GAD1: variants seen among roughly 807,000 people sequenced by gnomAD.
GAD1 encodes the protein 67 kDa glutamic acid decarboxylase.
GAD1 carries 35 observed loss-of-function variants against 75.2 expected under a neutral mutation model. The observed-to-expected ratio is 0.47, with a 90% CI of 0.36 to 0.62. The LOEUF (loss-of-function observed/expected upper bound fraction) is 0.62, where lower values mean the gene tolerates loss of function less well. Ranked by LOEUF, GAD1 falls within the 20% of genes least tolerant of loss-of-function variation. The probability of loss-of-function intolerance (pLI) is 0.00; values close to 1 mark genes in which losing one functional copy is unlikely to be tolerated. For missense variants in GAD1, 490 were observed against 758.5 expected, an observed-to-expected ratio of 0.65 and a Z score of 4.16; for synonymous variants, 257 against 271.9, an observed-to-expected ratio of 0.95 and a Z score of 0.54.
intron 12 of GAD1, 93 bp downstream of exon 12, chr2:170,849,443 A>G: frequency 8.4e-7 from 1 of 1,194,338 alleles, no homozygotes; most frequent in Non-Finnish European, 1.2e-6. Flanking sequence ...CCTGATCCCC[A>G]GCATCATATT....
intron 11 of GAD1, 144 bp downstream of exon 11, chr2:170,847,936 C>T (rs984777368): frequency 2.7e-6 from 2 of 747,230 alleles, no homozygotes; most frequent in East Asian, 2.5e-5. Context: ...CCCTAGCCAG[C>T]CATTCACAAC....
At chr2:170,843,947 G>C in intron 6 of GAD1, 98 bp from the exon 7 acceptor site, 2 of 730,504 alleles carry the variant, frequency 2.7e-6, no homozygotes, top group Non-Finnish European at 5.0e-6. Context: ...CTTTTTTTTA[G>C]AACCCAACTA....
At chr2:170,814,963 G>C (rs1245855746), upstream of GAD1, among the ~76,000 whole-genome samples, 1 of 152,148 alleles carries the variant, frequency 6.6e-6, no homozygotes, top group African/African-American at 2.4e-5. Context: ...AGGTTGAGGC[G>C]AGCGGGCGTC....
chr2:170,836,948 T>G, intron 6 of GAD1, 65 bp downstream of exon 6: 2 of 1,120,942 alleles, frequency 1.8e-6, no homozygotes, highest in Non-Finnish European at 2.7e-6. Flanking sequence ...GCTTTAAAAG[T>G]TCAGTCCCAG....
chr2:170,827,533 T>C (rs987487282), intron 3 of GAD1, among the ~76,000 whole-genome samples: 1 of 152,168 alleles, frequency 6.6e-6, no homozygotes, highest in African/African-American at 2.4e-5. Flanking sequence ...CTCCTGCCCT[T>C]TTGGCTTAAC....
At chr2:170,829,824 A>G (rs1225451905) in intron 4 of GAD1, 191 bp downstream of exon 4, 2 of 628,822 alleles carry the variant, frequency 3.2e-6, no homozygotes, top group Non-Finnish European at 5.4e-6. Context: ...GGTCTCCATC[A>G]TTTTGGAAAC....
chr2:170,830,740 G>A (rs1028645423), intron 4 of GAD1, among the ~76,000 whole-genome samples: 1 of 152,200 alleles, frequency 6.6e-6, no homozygotes, highest in African/African-American at 2.4e-5. Context: ...CAGCCTGTCA[G>A]AAAGGCTGTG....
At chr2:170,834,396 G>A (rs914918205) in intron 5 of GAD1, among the ~76,000 whole-genome samples, 4 of 152,096 alleles carry the variant, frequency 2.6e-5, no homozygotes, top group Non-Finnish European at 5.9e-5. Context: ...ATACTGATCC[G>A]GGTATAGTCT....
chr2:170,849,359 C>T lies in GAD1; in HGVS notation c.1184+9C>T, dbSNP rs1239221824. 1.2e-6 allele frequency: 2 copies of T among 1,613,724 alleles called. No homozygotes were observed. Among genetic ancestry groups the T allele is most frequent in the Non-Finnish European group, 1.7e-6 (2 of 1,179,812 alleles). On this transcript the variant is annotated intron_variant, in intron 12 of 16. Transcript: ENST00000358196. ...CTCAACGGCATAGAAAGGTAACGGC[C>T]AGAACTCGCCAGGCCTCCTTCCACC...
intron 3 of GAD1, among the ~76,000 whole-genome samples, chr2:170,822,783 C>T (rs780481698): frequency 2.6e-5 from 4 of 152,224 alleles, no homozygotes; most frequent in Non-Finnish European, 5.9e-5. Flanking sequence ...TGGAGCCCTC[C>T]ATGGCCTGCC....
chr2:170,836,895 A>G lies in GAD1; in HGVS notation c.638+12A>G, dbSNP rs1376452694. The G allele has an allele frequency of 1.9e-6, 3 of 1,589,646 alleles. No homozygotes were observed. The highest frequency in any genetic ancestry group is 2.6e-6 in the Non-Finnish European group (3 of 1,157,972). On this transcript the variant is annotated intron_variant, in intron 6 of 16. Coordinates refer to ENST00000358196, the MANE Select transcript of GAD1 (RefSeq NM_000817.3). The stretch of plus-strand genomic sequence containing the variant: ...GCCAATACCAACATGTAAGTCTCAT[A>G]TGTTTTCATATAAGCAACCCTGATG...
chr2:170,822,057 C>T (rs1413508020), intron 2 of GAD1, 30 bp from the exon 3 acceptor site: 1 of 1,589,192 alleles, frequency 6.3e-7, no homozygotes, highest in African/African-American at 1.3e-5. Context: ...ACCTCCCTAA[C>T]CGAACCTCTC....
In GAD1 at chr2:170,829,498, C is replaced by T. The variant is rs1422599590; in HGVS notation, c.169C>T (p.Leu57=). ...AGGCTTCTTGCAAAGGACCAACAGC[C>T]TGGAAGAGAAGAGTCGCCTTGTGAG... ...ICGFLQRTNS[L]EEKSRLVSAF... Residue 57 remains leucine, a synonymous_variant, in exon 4 of 17, where the codon CTG becomes TTG. Transcript: ENST00000358196. 2.5e-6 allele frequency: 4 copies of T among 1,613,276 alleles called. No individual in the cohort carries two copies. The Admixed American group carries it at 6.7e-5, about 27-fold the overall frequency.
At chr2:170,846,096 T>C in intron 10 of GAD1, 33 bp downstream of exon 10, 1 of 1,548,650 alleles carries the variant, frequency 6.5e-7, no homozygotes, top group Non-Finnish European at 8.9e-7. Flanking sequence ...GAACTCCAGT[T>C]TTAAAATACC....
intron 3 of GAD1, among the ~76,000 whole-genome samples, chr2:170,827,287 T>C (rs1421055911): frequency 6.6e-6 from 1 of 152,242 alleles, no homozygotes; most frequent in Non-Finnish European, 1.5e-5. Context: ...GGGACTTTCT[T>C]CCAAGTCTGC....
rs1326180009 is a variant in GAD1 at position 170,839,807 on chromosome 2, G to A, written c.638+2924G>A. ...AAGCACAATTGCGCAGGTAGGGCCC[G>A]AGTGTAAACAACAGCCTGCCCTCAA... On this transcript the variant is annotated intron_variant, in intron 6 of 16. Transcript: ENST00000358196. 2.0e-5 allele frequency among the ~76,000 whole-genome samples: 3 copies of A among 152,226 alleles called. No homozygotes were observed. The East Asian group carries it at 5.8e-4, about 29-fold the overall frequency.
At chr2:170,854,170 T>C in intron 14 of GAD1, 148 bp downstream of exon 14, 1 of 843,426 alleles carries the variant, frequency 1.2e-6, no homozygotes, top group Non-Finnish European at 1.9e-6. Context: ...TCTTTGTGAA[T>C]GAAATTACTT....
At chr2:170,829,260 C>A (rs1331813996) in intron 3 of GAD1, 1 of 592,018 alleles carries the variant, frequency 1.7e-6, no homozygotes, top group East Asian at 2.9e-5. Context: ...TTCTCTCTTG[C>A]ATGACTGGGC....
At chr2:170,851,024 GAAAAA>G (rs141694452) in intron 12 of GAD1, among the ~76,000 whole-genome samples, 1 of 144,298 alleles carries the variant, frequency 6.9e-6, no homozygotes, top group African/African-American at 2.5e-5. Context: ...AAAAAAAAAA[GAAAAA>G]AAAAAGAACT....
Sources: gnomAD v4.1 joint callset for allele counts (sites outside exome capture counted in the v4.1 genomes callset) on GRCh38, gnomAD v4.1.1 for gene constraint, MANE v1.5 for transcripts, NCBI Gene and HGNC (gene_info 2026-07-23, HGNC 2026-07-21) for gene names.